The following PEX5L variants were observed in gnomAD, a reference collection of about 807,000 sequenced individuals.
PEX5L encodes PEX5-related protein.
A neutral mutation model predicts 84.0 loss-of-function variants in PEX5L; 30 were observed. The observed-to-expected ratio is 0.36, with a 90% CI of 0.27 to 0.48. The LOEUF (loss-of-function observed/expected upper bound fraction) is 0.48. PEX5L is among the 20% of genes least tolerant of loss of function. The pLI is 0.99. For missense variants in PEX5L, 533 were observed against 754.6 expected (o/e 0.71, Z 3.44); for synonymous variants, 270 against 283.1 (o/e 0.95, Z 0.46).
intron 2 of PEX5L, among the ~76,000 whole-genome samples, chr3:179,936,409 C>A (rs905804528): frequency 1.1e-4 from 16 of 152,092 alleles, no homozygotes; most frequent in African/African-American, 3.9e-4. Flanking sequence ...CTCTTGGATT[C>A]TTAGAAAATA....
chr3:179,994,919 C>A (rs925811272), intron 1 of PEX5L, among the ~76,000 whole-genome samples: 1 of 151,932 alleles, frequency 6.6e-6, no homozygotes, highest in Non-Finnish European at 1.5e-5. Context: ...CTCGGACTGG[C>A]TCTCCTTGCT....
At chr3:179,946,098 G>A (rs887464220) in intron 2 of PEX5L, among the ~76,000 whole-genome samples, 2 of 150,390 alleles carry the variant, frequency 1.3e-5, no homozygotes, top group Non-Finnish European at 2.9e-5. Context: ...TCATTGCTCT[G>A]TACTTGGCCA....
At chr3:179,853,246 C>A (rs1309240621) in intron 8 of PEX5L, among the ~76,000 whole-genome samples, 4 of 152,170 alleles carry the variant, frequency 2.6e-5, no homozygotes, top group African/African-American at 9.7e-5. Context: ...CAGTGCCTGG[C>A]CCATGGAAGC....
chr3:179,964,312 C>T (rs867816753), intron 2 of PEX5L, among the ~76,000 whole-genome samples: 12 of 152,026 alleles, frequency 7.9e-5, no homozygotes, highest in East Asian at 1.9e-4. Flanking sequence ...GTTCCATCCA[C>T]GTTGCTGCAA....
chr3:179,975,050 G>C (rs550399652), intron 1 of PEX5L, among the ~76,000 whole-genome samples: 14 of 152,084 alleles, frequency 9.2e-5, no homozygotes, highest in African/African-American at 3.1e-4. Flanking sequence ...TTAGCTGGAC[G>C]TAGTGGCGTG....
intron 7 of PEX5L, among the ~76,000 whole-genome samples, chr3:179,864,239 G>A: frequency 6.6e-6 from 1 of 152,106 alleles, no homozygotes; most frequent in East Asian, 1.9e-4. Context: ...TTTAATTCCT[G>A]TGTTCATTGC....
chr3:179,802,548 A>G (rs946638392), intron 14 of PEX5L, among the ~76,000 whole-genome samples: 17 of 146,172 alleles, frequency 1.2e-4, no homozygotes, highest in Non-Finnish European at 2.1e-4. Flanking sequence ...AAAAAAAAAA[A>G]AAAAAAGAAA....
intron 1 of PEX5L, among the ~76,000 whole-genome samples, chr3:180,029,298 G>A (rs1460145258): frequency 6.6e-6 from 1 of 151,958 alleles, no homozygotes; most frequent in Admixed American, 6.5e-5. Flanking sequence ...CAAAGTGCTG[G>A]GATTAGAGGC....
rs187367708 is a variant in PEX5L, at chr3:179,800,508, C to A, written c.*1320G>T. The A allele has an allele frequency of 6.6e-6, 1 of 152,146 alleles. No individual in the cohort carries two copies. Among genetic ancestry groups the A allele is most frequent in the Non-Finnish European group, 1.5e-5 (1 of 68,008 alleles). The allele number at this position is 152,146 out of a possible 1,614,324, so 9.4% of individuals were successfully genotyped here. On this transcript the variant is annotated 3_prime_UTR_variant, in exon 15 of 15. Coordinates refer to ENST00000467460, the MANE Select transcript of PEX5L (RefSeq NM_016559.3). ...AAAAATGTATCTTTCAAAATAATCA[C>A]CAAGCCCCAAACACATACAAAACAC...
At chr3:180,019,844 T>A (rs987798842) in intron 1 of PEX5L, among the ~76,000 whole-genome samples, 1 of 152,178 alleles carries the variant, frequency 6.6e-6, no homozygotes, top group African/African-American at 2.4e-5. Flanking sequence ...AACTGGATAA[T>A]GTCCCCCCTC....
chr3:179,806,008 T>C (rs987272777), intron 14 of PEX5L, among the ~76,000 whole-genome samples: 1 of 149,968 alleles, frequency 6.7e-6, no homozygotes, highest in Non-Finnish European at 1.5e-5. Context: ...AAAATATACA[T>C]AGTATATATA....
intron 2 of PEX5L, among the ~76,000 whole-genome samples, chr3:179,916,676 C>T (rs890828145): frequency 1.6e-4 from 24 of 151,994 alleles, no homozygotes; most frequent in African/African-American, 5.1e-4. Flanking sequence ...TAACCACCCC[C>T]CCTTTGTTTT....
chr3:179,808,938 T>G lies in PEX5L; in HGVS notation c.1353-501A>C, dbSNP rs537619604. 5.0e-4 allele frequency among the ~76,000 whole-genome samples: 76 copies of G among 151,442 alleles called. 1 individual carries two copies. In the Middle Eastern group the frequency reaches 0.01, roughly 20 times the overall value. Reference sequence around the variant, plus strand: ...AAATACAAAAAATTAGCCGGGCGTGTTGGCGGGCCCTTGTAGTCCCAGCTG... The same window carrying G: ...AAATACAAAAAATTAGCCGGGCGTGGTGGCGGGCCCTTGTAGTCCCAGCTG... On this transcript the variant is annotated intron_variant, in intron 12 of 14. Transcript: ENST00000467460.
intron 1 of PEX5L, among the ~76,000 whole-genome samples, chr3:180,018,956 T>C (rs530928516): frequency 1.2e-4 from 18 of 152,324 alleles, no homozygotes; most frequent in African/African-American, 4.3e-4. Flanking sequence ...AAAGGCATCA[T>C]AGAGCCACAG....
chr3:179,895,785 A>G (rs1759064643), intron 3 of PEX5L: 1 of 152,172 alleles, frequency 6.6e-6, no homozygotes, highest in Non-Finnish European at 1.5e-5. Flanking sequence ...ATGAAATAAG[A>G]TAAAAGCTCA....
At chr3:179,874,738 GTTTTTTTT>G (rs3836472) in intron 6 of PEX5L, among the ~76,000 whole-genome samples, 4 of 45,980 alleles carry the variant, frequency 8.7e-5, no homozygotes, top group South Asian at 1.1e-3. Context: ...TTTTTTTTTT[GTTTTTTTT>G]TTTTTTTTTT....
intron 3 of PEX5L, chr3:179,888,151 A>G: frequency 7.7e-7 from 1 of 1,290,510 alleles, no homozygotes; most frequent in South Asian, 1.2e-5. Context: ...GACCTGGACC[A>G]GTGGCTTCAG....
chr3:179,984,287 T>C (rs1786600870), intron 1 of PEX5L, among the ~76,000 whole-genome samples: 2 of 152,120 alleles, frequency 1.3e-5, no homozygotes, highest in Non-Finnish European at 2.9e-5. Context: ...CTAATTTTCT[T>C]CTATTAAGCT....
Position 179,799,783 on chromosome 3 carries a change from G to T in PEX5L, c.*2045C>A, listed in dbSNP as rs1718311129. ...CATGGCTTGGAGGCTGGCCCCAAGAGTCCTTACCAGACTGGGTTTCTCGAA... is the reference window on the plus strand; with the variant it reads ...CATGGCTTGGAGGCTGGCCCCAAGATTCCTTACCAGACTGGGTTTCTCGAA... On this transcript the variant is annotated 3_prime_UTR_variant, in exon 15 of 15. Coordinates refer to ENST00000467460, the MANE Select transcript of PEX5L (RefSeq NM_016559.3). The T allele has an allele frequency of 6.6e-6, 1 of 152,214 alleles. No individual in the cohort carries two copies. Among genetic ancestry groups the T allele is most frequent in the Non-Finnish European group, 1.5e-5 (1 of 68,056 alleles). 9.4% of individuals were successfully genotyped at this position (152,214 alleles called of 1,614,324 possible).
Sources: allele counts gnomAD v4.1 joint callset (sites outside exome capture counted in the v4.1 genomes callset), GRCh38; gene constraint gnomAD v4.1.1; transcripts MANE v1.5; gene names NCBI Gene and HGNC (gene_info 2026-07-23, HGNC 2026-07-21).